The following SHLD2 variants were observed in gnomAD, a reference collection of about 807,000 sequenced individuals.
The protein encoded by SHLD2 is RINN1-REV7-interacting novel NHEJ regulator 2.
A neutral mutation model predicts 73.2 loss-of-function variants in SHLD2; 30 were observed. That is an observed-to-expected ratio of 0.41 (90% CI 0.31 to 0.56). The LOEUF is 0.56. Ranked by LOEUF, SHLD2 falls within the 20% of genes least tolerant of loss-of-function variation. The probability of loss-of-function intolerance (pLI) is 0.28; values close to 1 mark genes in which losing one functional copy is unlikely to be tolerated. For missense variants in SHLD2, 745 were observed against 1,055.9 expected (o/e 0.71, Z 4.08); for synonymous variants, 285 against 370.1 (o/e 0.77, Z 2.64).
intron 4 of SHLD2, among the ~76,000 whole-genome samples, chr10:87,162,711 CAA>C (rs1056630516): frequency 6.6e-6 from 1 of 151,400 alleles, no homozygotes; most frequent in South Asian, 2.1e-4. Context: ...AGTCAGTTTT[CAA>C]AAAAAGATAT....
chr10:87,160,965 C>G (rs867595794), intron 4 of SHLD2, among the ~76,000 whole-genome samples: 2 of 145,616 alleles, frequency 1.4e-5, no homozygotes, highest in African/African-American at 5.1e-5. Context: ...GCAGCCTGAG[C>G]GACAGAGTGA....
At chr10:87,175,805 T>G (rs952698045) in intron 6 of SHLD2, 84 bp from the exon 7 acceptor site, 10 of 1,350,622 alleles carry the variant, frequency 7.4e-6, no homozygotes, top group Non-Finnish European at 1.0e-5. Flanking sequence ...TCAACTGACT[T>G]AATCAGATCA....
intron 2 of SHLD2, among the ~76,000 whole-genome samples, chr10:87,101,289 G>GAGAA: frequency 6.6e-6 from 1 of 152,314 alleles, no homozygotes; most frequent in African/African-American, 2.4e-5. Flanking sequence ...TGGCTTAAAT[G>GAGAA]TTTTAGGAGA....
intron 8 of SHLD2, 26 bp downstream of exon 8, chr10:87,180,329 G>A (rs1248258356): frequency 6.3e-7 from 1 of 1,594,814 alleles, no homozygotes; most frequent in East Asian, 2.2e-5. Context: ...AAGCCAATTT[G>A]ATGGAAAATA....
At chr10:87,189,211 G>T (rs866472587) in intron 9 of SHLD2, among the ~76,000 whole-genome samples, 3 of 152,146 alleles carry the variant, frequency 2.0e-5, no homozygotes, top group African/African-American at 7.2e-5. Context: ...ATGTTAGTTA[G>T]GCTGGTCTTG....
intron 9 of SHLD2, among the ~76,000 whole-genome samples, chr10:87,188,132 G>A (rs1323167303): frequency 2.6e-5 from 4 of 152,140 alleles, no homozygotes; most frequent in Admixed American, 6.6e-5. Context: ...CGGGAGCAGG[G>A]TTGTTCCTCT....
At chr10:87,166,611 A>G (rs1178446542) in intron 4 of SHLD2, among the ~76,000 whole-genome samples, 2 of 152,354 alleles carry the variant, frequency 1.3e-5, no homozygotes, top group East Asian at 3.9e-4. Context: ...TCAAGGGCTC[A>G]GTGGCTCATG....
chr10:87,097,924 T>C (rs998537919), intron 2 of SHLD2, among the ~76,000 whole-genome samples: 1 of 151,866 alleles, frequency 6.6e-6, no homozygotes, highest in Non-Finnish European at 1.5e-5. Context: ...CATGCCAGGC[T>C]AATTTTTTTG....
At chr10:87,154,260 A>G (rs1284427883) in intron 3 of SHLD2, 1 of 152,152 alleles carries the variant, frequency 6.6e-6, no homozygotes, top group Non-Finnish European at 1.5e-5. Flanking sequence ...TGGCAAGCTT[A>G]GTGCAGACAC....
At chr10:87,097,882 C>T (rs2133910093) in intron 2 of SHLD2, among the ~76,000 whole-genome samples, 1 of 152,096 alleles carries the variant, frequency 6.6e-6, no homozygotes, top group South Asian at 2.1e-4. Context: ...GCCTCAGCCT[C>T]CCGAGCAGCT....
intron 1 of SHLD2, among the ~76,000 whole-genome samples, chr10:87,095,487 C>T (rs1337497204): frequency 2.0e-5 from 3 of 152,136 alleles, no homozygotes; most frequent in African/African-American, 4.8e-5. Flanking sequence ...CAGGCCGGGG[C>T]CGGGCGTGCA....
chr10:87,161,241 C>T (rs1846791965), intron 4 of SHLD2, among the ~76,000 whole-genome samples: 1 of 151,630 alleles, frequency 6.6e-6, no homozygotes, highest in Admixed American at 6.6e-5. Flanking sequence ...AGCTTGAGCC[C>T]AGGAATTCAA....
chr10:87,175,923 G>C lies in SHLD2; in HGVS notation c.1998G>C (p.Gln666His), dbSNP rs2134647293. The change falls in exon 7 of 10, where the codon CAG (glutamine) becomes CAC (histidine). Residue 666 changes from glutamine to histidine, a missense_variant. By Grantham distance (24) the Gln-to-His change is conservative (BLOSUM62 0). Coordinates refer to ENST00000298786, the MANE Select transcript of SHLD2 (RefSeq NM_001330112.2). ...YIWEFKYLFVQCNYTLENLEL... is the reference protein window; with the variant it reads ...YIWEFKYLFVHCNYTLENLEL... The stretch of plus-strand genomic sequence containing the variant: ...GGGAATTTAAATATCTTTTTGTTCA[G>C]TGCAATTACACACTAGAAAACCTAG... 6.5e-7 allele frequency: 1 copy of C among 1,550,292 alleles called. No homozygotes were observed. Among genetic ancestry groups the C allele is most frequent in the East Asian group, 2.4e-5 (1 of 40,876 alleles).
At chr10:87,132,517 A>G (rs1844499969) in intron 2 of SHLD2, among the ~76,000 whole-genome samples, 1 of 152,192 alleles carries the variant, frequency 6.6e-6, no homozygotes, top group African/African-American at 2.4e-5. Flanking sequence ...GCTCACATCT[A>G]TAATCCCAGC....
intron 2 of SHLD2, among the ~76,000 whole-genome samples, chr10:87,123,395 A>G (rs946487116): frequency 3.4e-4 from 51 of 151,738 alleles, no homozygotes; most frequent in African/African-American, 1.2e-3. Context: ...TTCACCTCCC[A>G]GGTTCAAGCA....
At chr10:87,153,553 A>G (rs866878401) in intron 3 of SHLD2, among the ~76,000 whole-genome samples, 2 of 152,242 alleles carry the variant, frequency 1.3e-5, no homozygotes, top group African/African-American at 4.8e-5. Context: ...AACTTCATAT[A>G]ACCACCAATA....
chr10:87,128,743 T>C (rs1181321553), intron 2 of SHLD2, among the ~76,000 whole-genome samples: 3 of 152,214 alleles, frequency 2.0e-5, no homozygotes, highest in Non-Finnish European at 2.9e-5. Flanking sequence ...TTCTGGAAGC[T>C]TGTAGGATCT....
intron 2 of SHLD2, among the ~76,000 whole-genome samples, chr10:87,148,276 G>A (rs1845763241): frequency 6.6e-6 from 1 of 152,138 alleles, no homozygotes; most frequent in Admixed American, 6.5e-5. Context: ...TTGAATGTTT[G>A]TTACGTAAGT....
At position 87,102,895 on chromosome 10, in the gene SHLD2, A is replaced by G. The variant is rs527267294; in HGVS notation, c.-6+5906A>G. Among the ~76,000 whole-genome samples the G allele has an allele frequency of 2.6e-5, 4 of 152,074 alleles. No homozygotes were observed. The South Asian group carries it at 6.2e-4, about 24-fold the overall frequency. On this transcript the variant is annotated intron_variant, in intron 2 of 9. Coordinates refer to ENST00000298786, the MANE Select transcript of SHLD2 (RefSeq NM_001330112.2). The stretch of plus-strand genomic sequence containing the variant: ...TTTAAAGAGATTACTTTTTCTGAGT[A>G]AACAAGGACTTTTAAAACAAGGTAC...
Sources: allele counts gnomAD v4.1 joint callset (sites outside exome capture counted in the v4.1 genomes callset), GRCh38; gene constraint gnomAD v4.1.1; transcripts MANE v1.5; gene names NCBI Gene and HGNC (gene_info 2026-07-23, HGNC 2026-07-21).